The following UNC80 variants were observed in gnomAD, a reference collection of about 807,000 sequenced individuals.
UNC80 encodes the protein protein unc-80 homolog.
In UNC80, 164 loss-of-function variants were observed where a neutral mutation model predicts 384.6. The ratio of observed to expected loss-of-function variants is 0.43; its 90% CI spans 0.38 to 0.49. UNC80 has a LOEUF of 0.49. Ranked by LOEUF, UNC80 falls within the 20% of genes least tolerant of loss-of-function variation. UNC80 has a pLI of 0.00. For missense variants in UNC80, 3,330 were observed against 4,143.0 expected (o/e 0.80, Z 5.39); for synonymous variants, 1,486 against 1,527.8 (o/e 0.97, Z 0.64).
chr2:209,879,604 T>C (rs2085096977), intron 24 of UNC80, among the ~76,000 whole-genome samples: 1 of 152,186 alleles, frequency 6.6e-6, no homozygotes, highest in Non-Finnish European at 1.5e-5. Flanking sequence ...ATACTGAATG[T>C]CTAGTGTTCA....
At chr2:209,901,001 G>T (rs2087336605) in intron 28 of UNC80, among the ~76,000 whole-genome samples, 1 of 152,188 alleles carries the variant, frequency 6.6e-6, no homozygotes, top group Non-Finnish European at 1.5e-5. Flanking sequence ...GCTTCATGAG[G>T]TTGAAAGAAA....
intron 47 of UNC80, among the ~76,000 whole-genome samples, chr2:209,949,602 C>T (rs1490319981): frequency 1.3e-5 from 2 of 152,044 alleles, no homozygotes; most frequent in African/African-American, 2.4e-5. Flanking sequence ...CTCTGCCTCC[C>T]GAGTAGCTGG....
chr2:209,773,435 G>A (rs574227343), intron 2 of UNC80, among the ~76,000 whole-genome samples: 84 of 152,272 alleles, frequency 5.5e-4, no homozygotes, highest in Admixed American at 2.0e-3. Flanking sequence ...AGAAATACTA[G>A]GAAGCACTAG....
chr2:209,930,047 A>G (rs2090731602), intron 37 of UNC80, 76 bp downstream of exon 37: 1 of 960,842 alleles, frequency 1.0e-6, no homozygotes, highest in South Asian at 2.0e-5. Context: ...AAAGAACTTT[A>G]TAGTGCAGTG....
chr2:209,955,732 T>TAC (rs2092384340), intron 48 of UNC80, among the ~76,000 whole-genome samples: 1 of 63,828 alleles, frequency 1.6e-5, no homozygotes, highest in African/African-American at 1.1e-4. Flanking sequence ...TATATATATA[T>TAC]ATATATACAC....
At chr2:209,924,616 T>C (rs977877357) in intron 35 of UNC80, among the ~76,000 whole-genome samples, 1 of 152,092 alleles carries the variant, frequency 6.6e-6, no homozygotes, top group East Asian at 1.9e-4. Flanking sequence ...CTTGTACATA[T>C]GTACAGCCAT....
rs2088002547 is a variant in UNC80 at position 209,904,976 on chromosome 2, G to T, written c.4782+11G>T. ...AAGAAACAGAAAGAAGTAAGTAAATGACCATTGAATGATATTCTAATACTA... is the reference window on the plus strand; with the variant it reads ...AAGAAACAGAAAGAAGTAAGTAAATTACCATTGAATGATATTCTAATACTA... On this transcript the variant is annotated intron_variant, in intron 29 of 64. Transcript: ENST00000673920. The T allele has an allele frequency of 6.4e-7, 1 of 1,551,188 alleles. No homozygotes were observed. The highest frequency in any genetic ancestry group is 1.2e-5 in the South Asian group (1 of 83,990).
At chr2:209,860,072 TG>T (rs552830427) in intron 22 of UNC80, among the ~76,000 whole-genome samples, 34 of 152,346 alleles carry the variant, frequency 2.2e-4, no homozygotes, top group African/African-American at 7.7e-4. Flanking sequence ...CAATTGCTTT[TG>T]GCATTTTTGT....
chr2:209,839,309 C>T lies in UNC80; in HGVS notation c.3129C>T (p.Ser1043=), dbSNP rs1205396440. The T allele has an allele frequency of 1.9e-6, 3 of 1,551,636 alleles. No homozygotes were observed. The highest frequency in any genetic ancestry group is 8.7e-7 in the Non-Finnish European group (1 of 1,147,024). Residue 1043 remains serine, a synonymous_variant, in exon 19 of 65, where the codon AGC becomes AGT. Coordinates refer to ENST00000673920, the MANE Select transcript of UNC80 (RefSeq NM_001371986.1). The surrounding 1 kb of genome is among the most constrained non-coding windows in gnomAD (Gnocchi z 4.1). ...FKSQSAASDT[S]SQSEQDTSEC... ...CCCAGAGTGCAGCAAGTGACACCAG[C>T]AGCCAGTCTGAACAGGACACTTCAG...
At chr2:209,994,809 G>A (rs890420602) in intron 64 of UNC80, among the ~76,000 whole-genome samples, 4 of 152,118 alleles carry the variant, frequency 2.6e-5, no homozygotes, top group Admixed American at 2.0e-4. Context: ...AAAAAATTAA[G>A]TTACCAGTTT....
chr2:209,773,668 T>C (rs1040215807), intron 2 of UNC80, among the ~76,000 whole-genome samples: 11 of 151,994 alleles, frequency 7.2e-5, no homozygotes, highest in African/African-American at 2.4e-4. Context: ...TGGTGTAGGG[T>C]GTTTTTGCCA....
chr2:209,913,994 C>G, intron 31 of UNC80, 54 bp downstream of exon 31: 1 of 1,485,722 alleles, frequency 6.7e-7, no homozygotes, highest in East Asian at 2.5e-5. Flanking sequence ...GTTACTGATC[C>G]AAGTGTTTAA....
rs987290683 is a variant in UNC80 at position 209,995,704 on chromosome 2, C to G, written c.*109C>G. 1 of 1,303,816 alleles carries G rather than the reference C, an allele frequency of 7.7e-7. No individual in the cohort carries two copies. The highest frequency in any genetic ancestry group is 2.5e-5 in the Admixed American group (1 of 40,054). The allele number at this position is 1,303,816 out of a possible 1,614,324, so 80.8% of individuals were successfully genotyped here. A position where few individuals can be genotyped will look rare whatever the true frequency, so the allele number is the denominator to read the frequency against. On this transcript the variant is annotated 3_prime_UTR_variant, in exon 65 of 65. Transcript: ENST00000673920. ...AGATTAATTACAAAATAGCACTTTACTTCTAATGGGTGGCACAAATCTGAA... is the reference window on the plus strand; with the variant it reads ...AGATTAATTACAAAATAGCACTTTAGTTCTAATGGGTGGCACAAATCTGAA...
intron 47 of UNC80, among the ~76,000 whole-genome samples, chr2:209,952,393 C>T (rs1286473454): frequency 6.6e-6 from 1 of 152,152 alleles, no homozygotes; most frequent in Non-Finnish European, 1.5e-5. Context: ...AGTTGGGTTT[C>T]AGTCTTTGTA....
chr2:209,935,907 A>C, intron 40 of UNC80, 99 bp downstream of exon 40: 1 of 689,800 alleles, frequency 1.4e-6, no homozygotes. Context: ...TCTGTCTTTA[A>C]ATGGATGTAT....
intron 16 of UNC80, among the ~76,000 whole-genome samples, chr2:209,831,810 C>G (rs2080990739): frequency 6.6e-6 from 1 of 152,220 alleles, no homozygotes; most frequent in African/African-American, 2.4e-5. Flanking sequence ...ATTCAGCTAT[C>G]TTCCTCTCCC....
intron 56 of UNC80, 84 bp downstream of exon 56, chr2:209,973,354 A>T (rs1448902727): frequency 1.1e-5 from 14 of 1,223,668 alleles, no homozygotes; most frequent in Non-Finnish European, 1.6e-5. Flanking sequence ...AGATAGATAA[A>T]TAAATAAATA....
rs2092774814 is a variant in UNC80, at chr2:209,967,638, G to A, written c.8006+1G>A. 1 of 1,551,200 alleles carries A rather than the reference G, an allele frequency of 6.4e-7. No homozygotes were observed. Among genetic ancestry groups the A allele is most frequent in the Non-Finnish European group, 8.7e-7 (1 of 1,146,762 alleles). ...AAATTCATAAGATGCCTACTTTGAG[G>A]TGAGAATGCCTCCGAGTTAGCTGTT... On this transcript the variant is annotated splice_donor_variant, in intron 52 of 64. Coordinates refer to ENST00000673920, the MANE Select transcript of UNC80 (RefSeq NM_001371986.1). LOFTEE classifies it high-confidence loss of function.
rs1289379973 is a variant in UNC80, at chr2:209,922,352, C to G, written c.5631C>G (p.Val1877=). 2 of 1,551,696 alleles carry G rather than the reference C, an allele frequency of 1.3e-6. No individual in the cohort carries two copies. Among genetic ancestry groups the G allele is most frequent in the Admixed American group, 2.0e-5 (1 of 50,966 alleles). The part of the protein sequence containing the change: ...HRNYSFRRGS[V]WSVRSAVSAE... The stretch of plus-strand genomic sequence containing the variant: ...ATTATTCCTTCCGCCGCGGGTCAGT[C>G]TGGTCAGTGCGTTCAGCCGTCAGTG... The change falls in exon 35 of 65, where the codon GTC becomes GTG. Residue 1877 remains valine, a synonymous_variant. Coordinates refer to ENST00000673920, the MANE Select transcript of UNC80 (RefSeq NM_001371986.1).
Sources: allele counts gnomAD v4.1 joint callset (sites outside exome capture counted in the v4.1 genomes callset), GRCh38; gene constraint gnomAD v4.1.1; non-coding constraint Gnocchi (gnomAD v3.1); transcripts MANE v1.5; gene names NCBI Gene and HGNC (gene_info 2026-07-23, HGNC 2026-07-21).